FAF1: variants seen among roughly 807,000 people sequenced by gnomAD.
FAF1 encodes the protein Fas associated factor 1.
FAF1 carries 25 observed loss-of-function variants against 92.5 expected under a neutral mutation model. That is an observed-to-expected ratio of 0.27 (90% confidence interval 0.20 to 0.38). The LOEUF is 0.38. FAF1 is among the 10% of genes least tolerant of loss of function. The pLI, the probability that FAF1 is intolerant of heterozygous loss-of-function variation, is 1.00. For missense variants in FAF1, 636 were observed against 793.3 expected, an observed-to-expected ratio of 0.80 and a Z score of 2.38; for synonymous variants, 234 against 273.2, an observed-to-expected ratio of 0.86 and a Z score of 1.42.
chr1:50,808,980 T>C (rs1049839855), intron 2 of FAF1, among the ~76,000 whole-genome samples: 1 of 152,088 alleles, frequency 6.6e-6, no homozygotes, highest in African/African-American at 2.4e-5. Context: ...AGCACCCAGA[T>C]TCAAACAGCA....
At chr1:50,739,727 G>A (rs1410496094) in intron 5 of FAF1, among the ~76,000 whole-genome samples, 1 of 152,078 alleles carries the variant, frequency 6.6e-6, no homozygotes, top group Non-Finnish European at 1.5e-5. Context: ...AGCCTGAGAG[G>A]TTAGGTAACT....
intron 7 of FAF1, among the ~76,000 whole-genome samples, chr1:50,696,233 A>C (rs1245817771): frequency 1.3e-5 from 2 of 152,110 alleles, no homozygotes; most frequent in African/African-American, 4.8e-5. Flanking sequence ...ATAAAAAATA[A>C]GGTTTACACT....
chr1:50,816,026 T>TAA (rs748906242), intron 2 of FAF1, among the ~76,000 whole-genome samples: 34 of 132,784 alleles, frequency 2.6e-4, no homozygotes, highest in African/African-American at 6.6e-4. Flanking sequence ...GATTCCGTCT[T>TAA]AAAAAAAAAA....
At chr1:50,846,983 G>T (rs1644307094) in intron 2 of FAF1, 1 of 235,672 alleles carries the variant, frequency 4.2e-6, no homozygotes, top group Non-Finnish European at 8.2e-6. Context: ...GATATTTTTA[G>T]CCCTTGATCC....
chr1:50,906,505 C>A (rs924148634), intron 1 of FAF1, among the ~76,000 whole-genome samples: 2 of 152,184 alleles, frequency 1.3e-5, no homozygotes, highest in African/African-American at 4.8e-5. Flanking sequence ...TTCTTCCTAT[C>A]CATAAGCATG....
At chr1:50,918,336 TC>T (rs879585889) in intron 1 of FAF1, among the ~76,000 whole-genome samples, 1,181 of 90,408 alleles carry the variant, frequency 0.013, 9 homozygotes, top group Middle Eastern at 0.061. Flanking sequence ...ATGCTATCCC[TC>T]CCCCCTCCCC....
chr1:50,799,909 T>G (rs1435769977), intron 3 of FAF1, among the ~76,000 whole-genome samples: 2 of 152,170 alleles, frequency 1.3e-5, no homozygotes, highest in Non-Finnish European at 2.9e-5. Context: ...CTCTGGTCAG[T>G]AGACATACAA....
intron 1 of FAF1, among the ~76,000 whole-genome samples, chr1:50,914,495 C>A (rs1364918288): frequency 6.6e-6 from 1 of 152,154 alleles, no homozygotes; most frequent in South Asian, 2.1e-4. Flanking sequence ...ATTTACTTAG[C>A]ACATTTCATT....
intron 1 of FAF1, among the ~76,000 whole-genome samples, chr1:50,878,149 T>C (rs145262426): frequency 2.6e-5 from 4 of 152,342 alleles, no homozygotes; most frequent in Non-Finnish European, 5.9e-5. Flanking sequence ...AGTCTGTGTA[T>C]GCCCCAAACT....
chr1:50,811,447 T>C (rs561642553), intron 2 of FAF1, among the ~76,000 whole-genome samples: 4 of 152,240 alleles, frequency 2.6e-5, no homozygotes, highest in African/African-American at 9.6e-5. Flanking sequence ...AGAATGCAAT[T>C]CCACTTACAA....
chr1:50,955,974 G>A (rs1645263404), intron 1 of FAF1, among the ~76,000 whole-genome samples: 1 of 152,288 alleles, frequency 6.6e-6, no homozygotes, highest in African/African-American at 2.4e-5. Flanking sequence ...GATGGTGGTT[G>A]CCAGGGGCTG....
intron 18 of FAF1, among the ~76,000 whole-genome samples, chr1:50,443,844 C>T (rs1646197591): frequency 6.6e-6 from 1 of 152,108 alleles, no homozygotes; most frequent in Admixed American, 6.5e-5. Context: ...ACCAAAACCT[C>T]CTGGAACCCT....
chr1:50,617,696 T>TG (rs1652990574), intron 8 of FAF1, among the ~76,000 whole-genome samples: 1 of 150,774 alleles, frequency 6.6e-6, no homozygotes, highest in South Asian at 2.1e-4. Context: ...CTCTTCTGTT[T>TG]TTTTTTTTTT....
At chr1:50,490,971 C>G (rs568702988) in intron 16 of FAF1, among the ~76,000 whole-genome samples, 2 of 152,126 alleles carry the variant, frequency 1.3e-5, no homozygotes, top group South Asian at 2.1e-4. Context: ...CCTTTCTGAC[C>G]TTTTCTATCT....
intron 2 of FAF1, 145 bp from the exon 3 acceptor site, chr1:50,801,822 T>A: frequency 1.8e-6 from 1 of 556,672 alleles, no homozygotes; most frequent in Non-Finnish European, 3.2e-6. Flanking sequence ...AAATGTTGTC[T>A]ATTAAATGTT....
intron 2 of FAF1, among the ~76,000 whole-genome samples, chr1:50,808,441 C>T (rs1306323130): frequency 6.6e-6 from 1 of 152,014 alleles, no homozygotes; most frequent in Non-Finnish European, 1.5e-5. Context: ...GGTTAATGCC[C>T]TAATTAAAAG....
intron 1 of FAF1, among the ~76,000 whole-genome samples, chr1:50,950,447 A>G (rs1221378591): frequency 6.6e-6 from 1 of 152,252 alleles, no homozygotes; most frequent in Non-Finnish European, 1.5e-5. Context: ...TTGTAAGGCC[A>G]TTAAAATCTC....
chr1:50,610,487 GTTAA>G (rs1553120946), intron 8 of FAF1, among the ~76,000 whole-genome samples: 5 of 152,012 alleles, frequency 3.3e-5, no homozygotes, highest in Admixed American at 1.3e-4. Flanking sequence ...TATATTTCAC[GTTAA>G]TTGTTATTGT....
chr1:50,823,491 A>C (rs1279045913), intron 2 of FAF1, among the ~76,000 whole-genome samples: 1 of 152,188 alleles, frequency 6.6e-6, no homozygotes, highest in Non-Finnish European at 1.5e-5. Flanking sequence ...CCATTCTTCC[A>C]TCTGGCCAGG....
Sources: gnomAD v4.1 joint callset for allele counts (sites outside exome capture counted in the v4.1 genomes callset) on GRCh38, gnomAD v4.1.1 for gene constraint, MANE v1.5 for transcripts, NCBI Gene and HGNC (gene_info 2026-07-23, HGNC 2026-07-21) for gene names.